The following WT1 variants were observed in gnomAD, a reference collection of about 807,000 sequenced individuals.
WT1 encodes the protein WT1 transcription factor, also known as Wilms tumor protein.
WT1 carries 8 observed loss-of-function variants against 60.8 expected under a neutral mutation model. The ratio of observed to expected loss-of-function variants is 0.13; its 90% CI spans 0.08 to 0.24. The LOEUF (loss-of-function observed/expected upper bound fraction) is 0.24. WT1 is among the 10% of genes least tolerant of loss of function. The pLI is 1.00. For missense variants in WT1, 568 were observed against 711.8 expected, an observed-to-expected ratio of 0.80 and a Z score of 2.30; for synonymous variants, 312 against 297.1, an observed-to-expected ratio of 1.05 and a Z score of -0.52.
In WT1 at chr11:32,388,489, A is replaced by G; in HGVS notation, c.*569T>C. On this transcript the variant is annotated 3_prime_UTR_variant, in exon 10 of 10. Coordinates refer to ENST00000452863, the MANE Select transcript of WT1 (RefSeq NM_024426.6). ...AGCTGCTTGAAATGCATGAGCTTTA[A>G]AAGTTGCCTGGCAGAACTACATCCT... is the stretch of plus-strand genomic sequence containing the variant. The G allele has an allele frequency of 4.2e-6, 1 of 239,826 alleles. No individual in the cohort carries two copies. The highest frequency in any genetic ancestry group is 8.2e-6 in the Non-Finnish European group (1 of 121,312). The allele number at this position is 239,826 out of a possible 1,614,324, so 14.9% of individuals were successfully genotyped here. A position where few individuals can be genotyped will look rare whatever the true frequency, so the allele number is the denominator to read the frequency against.
At chr11:32,398,510 G>A (rs1426306837) in intron 6 of WT1, among the ~76,000 whole-genome samples, 1 of 152,118 alleles carries the variant, frequency 6.6e-6, no homozygotes, top group East Asian at 1.9e-4. Flanking sequence ...CATGCTCCTT[G>A]GAGACTTCTC....
At chr11:32,421,672 G>T (rs1852858892) in intron 3 of WT1, among the ~76,000 whole-genome samples, 1 of 152,094 alleles carries the variant, frequency 6.6e-6, no homozygotes, top group Admixed American at 6.5e-5. Flanking sequence ...GTTTGTTTTG[G>T]CCTGAACTGC....
At chr11:32,408,514 T>TA (rs58685266) in intron 5 of WT1, among the ~76,000 whole-genome samples, 3,550 of 74,014 alleles carry the variant, frequency 0.048, 140 homozygotes, top group African/African-American at 0.066. Flanking sequence ...GACTACGTCT[T>TA]AAAAAAAAAA....
At chr11:32,402,295 C>G (rs750814624) in intron 5 of WT1, among the ~76,000 whole-genome samples, 4 of 152,198 alleles carry the variant, frequency 2.6e-5, no homozygotes, top group Non-Finnish European at 5.9e-5. Context: ...ATGCCAAACC[C>G]AAAGAACATA....
intron 6 of WT1, 48 bp downstream of exon 6, chr11:32,399,900 A>G: frequency 6.2e-7 from 1 of 1,600,182 alleles, no homozygotes; most frequent in East Asian, 2.2e-5. Context: ...GGTAAGTAGG[A>G]AGAGGCAGTG....
rs2133106426 is a variant in WT1 at position 32,435,185 on chromosome 11, T to C, written c.176A>G (p.Gln59Arg). 6.6e-7 allele frequency: 1 copy of C among 1,526,228 alleles called. No individual in the cohort carries two copies. The allele number at this position is 1,526,228 out of a possible 1,614,324, so 94.5% of individuals were successfully genotyped here. A position where few individuals can be genotyped will look rare whatever the true frequency, so the allele number is the denominator to read the frequency against. The stretch of plus-strand genomic sequence containing the variant: ...GGACGCCCCGCGGCTCCTCCGGCCC[T>C]GGAGACGTTCAGCGCTGGCCTCGGC... The change falls in exon 1 of 10, where the codon CAG (glutamine) becomes CGG (arginine). Residue 59 changes from glutamine (Q) to arginine (R), a missense_variant. Physicochemically the swap from Gln to Arg is conservative, Grantham distance 43 (BLOSUM62 1). This residue lies in a region of WT1 where 523 missense variants were observed against 565.1 expected (regional missense o/e 0.93). Transcript: ENST00000452863.
In WT1 at chr11:32,400,012, G is replaced by C. The variant is rs764802290; in HGVS notation, c.1049C>G (p.Thr350Arg). The stretch of plus-strand genomic sequence containing the variant: ...TTGGGCTCCGCAGAGGATGGGCGTT[G>C]TGTGGTTATCGCTCTCGTACCCTGT... The change falls in exon 6 of 10, where the codon ACA (threonine) becomes AGA (arginine). Residue 350 changes from threonine to arginine, a missense_variant. By Grantham distance (71) the Thr-to-Arg change is moderately conservative. Coordinates refer to ENST00000452863, the MANE Select transcript of WT1 (RefSeq NM_024426.6). 1 of 1,614,248 alleles carries C rather than the reference G, an allele frequency of 6.2e-7. No individual in the cohort carries two copies. The highest frequency in any genetic ancestry group is 8.5e-7 in the Non-Finnish European group (1 of 1,180,052).
chr11:32,433,330 G>T (rs764021983), intron 1 of WT1, among the ~76,000 whole-genome samples: 1 of 152,204 alleles, frequency 6.6e-6, no homozygotes, highest in Non-Finnish European at 1.5e-5. Context: ...AGATTCTCCC[G>T]AAGAAAAGGG....
intron 1 of WT1, 27 bp downstream of exon 1, chr11:32,434,673 G>T: frequency 6.2e-7 from 1 of 1,612,418 alleles, no homozygotes; most frequent in Non-Finnish European, 8.5e-7. Flanking sequence ...TGCCCCGCGC[G>T]TAGGGGGCGC....
chr11:32,429,968 C>T (rs933357869), intron 1 of WT1, among the ~76,000 whole-genome samples: 2 of 141,356 alleles, frequency 1.4e-5, no homozygotes, highest in Non-Finnish European at 3.0e-5. Flanking sequence ...ACACCACCAC[C>T]CCCCGCCCAG....
chr11:32,427,173 G>A (rs561024049), intron 3 of WT1, among the ~76,000 whole-genome samples: 1 of 152,354 alleles, frequency 6.6e-6, no homozygotes, highest in South Asian at 2.1e-4. Flanking sequence ...CCAGCCCCGT[G>A]CGGGCTGGTG....
chr11:32,433,938 C>A (rs755329313), intron 1 of WT1, among the ~76,000 whole-genome samples: 4 of 152,260 alleles, frequency 2.6e-5, no homozygotes, highest in Non-Finnish European at 2.9e-5. Context: ...GCTCGTGCCT[C>A]CTTCCACTGC....
At chr11:32,390,926 C>T (rs950550653) in intron 9 of WT1, among the ~76,000 whole-genome samples, 2 of 152,198 alleles carry the variant, frequency 1.3e-5, no homozygotes, top group Admixed American at 1.3e-4. Flanking sequence ...GCCTCAGTCT[C>T]CTCATCTGTA....
intron 7 of WT1, among the ~76,000 whole-genome samples, chr11:32,393,552 G>A (rs531448812): frequency 1.4e-5 from 2 of 142,296 alleles, no homozygotes; most frequent in Admixed American, 7.2e-5. Flanking sequence ...AATCAGTCAG[G>A]TCTTTCTGTT....
At chr11:32,420,288 T>C (rs942603189) in intron 3 of WT1, among the ~76,000 whole-genome samples, 1 of 152,224 alleles carries the variant, frequency 6.6e-6, no homozygotes, top group Non-Finnish European at 1.5e-5. Flanking sequence ...TGATGTTCTA[T>C]AAGTTTTGGG....
rs770782823 is a variant in WT1 at position 32,417,703 on chromosome 11, C to T, written c.888-49G>A. 4.0e-6 allele frequency: 6 copies of T among 1,490,900 alleles called. No individual in the cohort carries two copies. In the East Asian group the frequency reaches 9.0e-5, roughly 22 times the overall value. The allele number at this position is 1,490,900 out of a possible 1,614,324, so 92.4% of individuals were successfully genotyped here. On this transcript the variant is annotated intron_variant, in intron 3 of 9. Transcript: ENST00000452863. ...AGAAACACATAACCACAAAATAATA[C>T]ACAACTGTTTCTTCAAAAGCAATGG...
In WT1 at chr11:32,392,679, T is replaced by A. The variant is rs772822466; in HGVS notation, c.1341A>T (p.Gln447His). 1 of 1,614,088 alleles carries A rather than the reference T, an allele frequency of 6.2e-7. No homozygotes were observed. Among genetic ancestry groups the A allele is most frequent in the Non-Finnish European group, 8.5e-7 (1 of 1,179,954 alleles). The change falls in exon 8 of 10, where the codon CAA (glutamine) becomes CAT (histidine). Residue 447 changes from glutamine (Q) to histidine (H), a missense_variant. Physicochemically the swap from Gln to His is conservative, Grantham distance 24. This residue lies in a region of WT1 where 16 missense variants were observed against 99.8 expected (regional missense o/e 0.16). Coordinates refer to ENST00000452863, the MANE Select transcript of WT1 (RefSeq NM_024426.6). The stretch of plus-strand genomic sequence containing the variant: ...GAACCTACAAACCTGTATGTCTCCT[T>A]TGGTGTCTTTTGAGCTGGTCTGAAC...
intron 3 of WT1, among the ~76,000 whole-genome samples, chr11:32,426,464 A>G (rs1206563459): frequency 6.6e-6 from 1 of 152,206 alleles, no homozygotes; most frequent in Non-Finnish European, 1.5e-5. Context: ...CCCCCATTCC[A>G]AAGACTTTAC....
intron 1 of WT1, among the ~76,000 whole-genome samples, chr11:32,431,422 A>G (rs1345730396): frequency 6.9e-6 from 1 of 145,906 alleles, no homozygotes. Context: ...TCAGTGGACT[A>G]GCAGGCAACC....
Sources: allele counts gnomAD v4.1 joint callset (sites outside exome capture counted in the v4.1 genomes callset), GRCh38; gene constraint gnomAD v4.1.1; regional missense constraint gnomAD v4.1.1; transcripts MANE v1.5; gene names NCBI Gene and HGNC (gene_info 2026-07-23, HGNC 2026-07-21).